The following CNTNAP5 variants were observed in gnomAD, a reference collection of about 807,000 sequenced individuals.
CNTNAP5 encodes contactin-associated protein-like 5.
In CNTNAP5, 72 loss-of-function variants were observed where a neutral mutation model predicts 150.2. The observed-to-expected ratio is 0.48, with a 90% CI of 0.40 to 0.58. The LOEUF (loss-of-function observed/expected upper bound fraction) is 0.58. Ranked by LOEUF, CNTNAP5 falls within the 20% of genes least tolerant of loss-of-function variation. The pLI is 0.00. For synonymous variants in CNTNAP5, 672 were observed against 619.8 expected (o/e 1.08, Z -1.25); for missense variants, 1,636 against 1,626.2 (o/e 1.01, Z -0.10).
At chr2:124,226,743 G>A (rs898068381) in intron 2 of CNTNAP5, among the ~76,000 whole-genome samples, 27 of 152,168 alleles carry the variant, frequency 1.8e-4, no homozygotes, top group African/African-American at 6.5e-4. Flanking sequence ...AGTGATAGAA[G>A]TTGAGAAGTC....
intron 3 of CNTNAP5, among the ~76,000 whole-genome samples, chr2:124,358,742 C>T (rs1222663620): frequency 6.6e-6 from 1 of 152,086 alleles, no homozygotes; most frequent in African/African-American, 2.4e-5. Context: ...CAATGTTCAT[C>T]AAGTATATTG....
intron 1 of CNTNAP5, among the ~76,000 whole-genome samples, chr2:124,168,796 T>C (rs1684864007): frequency 6.6e-6 from 1 of 152,236 alleles, no homozygotes; most frequent in African/African-American, 2.4e-5. Flanking sequence ...TTACTATTTA[T>C]TGAAATTTTT....
chr2:124,382,742 A>G (rs955342984), intron 3 of CNTNAP5, among the ~76,000 whole-genome samples: 1 of 151,870 alleles, frequency 6.6e-6, no homozygotes, highest in African/African-American at 2.4e-5. Context: ...CACTTAAAAT[A>G]TTTTCCTGCC....
chr2:124,746,777 G>C (rs1680611738), intron 13 of CNTNAP5, among the ~76,000 whole-genome samples: 1 of 152,012 alleles, frequency 6.6e-6, no homozygotes, highest in South Asian at 2.1e-4. Context: ...ATTATTTTTT[G>C]AAATTCATAT....
Position 124,816,922 on chromosome 2 carries a change from C to T in CNTNAP5, c.3217+18602C>T, listed in dbSNP as rs550243180. Among the ~76,000 whole-genome samples the T allele has an allele frequency of 2.0e-5, 3 of 152,242 alleles. No individual in the cohort carries two copies. The South Asian group carries it at 6.2e-4, about 32-fold the overall frequency. On this transcript the variant is annotated intron_variant, in intron 19 of 23. Transcript: ENST00000682447. ...GCGAATGATATCACATCATCGTTGC[C>T]ATATTCTATGTGTTTAAAGCAAGTC...
intron 4 of CNTNAP5, among the ~76,000 whole-genome samples, chr2:124,419,895 GTTTT>G (rs1419852292): frequency 1.0e-5 from 1 of 98,880 alleles, no homozygotes; most frequent in Non-Finnish European, 2.2e-5. Context: ...GACTGGATTG[GTTTT>G]CTTTCTTTCT....
intron 1 of CNTNAP5, among the ~76,000 whole-genome samples, chr2:124,162,985 C>CAA (rs35126288): frequency 6.6e-6 from 1 of 151,748 alleles, no homozygotes; most frequent in African/African-American, 2.4e-5. Flanking sequence ...TTGAAGTTGA[C>CAA]AAAAAAGGGG....
At chr2:124,059,529 C>T (rs1291029051) in intron 1 of CNTNAP5, among the ~76,000 whole-genome samples, 1 of 152,290 alleles carries the variant, frequency 6.6e-6, no homozygotes, top group East Asian at 1.9e-4. Context: ...TCATTCCTGA[C>T]CCTCAGATTT....
chr2:124,205,529 C>T (rs1185990400), intron 1 of CNTNAP5, among the ~76,000 whole-genome samples: 2 of 151,922 alleles, frequency 1.3e-5, no homozygotes, highest in Non-Finnish European at 2.9e-5. Context: ...AGCGATTCTC[C>T]TGCCTCAGCC....
chr2:124,282,760 TG>T (rs1473576963), intron 3 of CNTNAP5, among the ~76,000 whole-genome samples: 2 of 152,134 alleles, frequency 1.3e-5, no homozygotes, highest in Admixed American at 6.6e-5. Context: ...GTGAGAAAGC[TG>T]GGGCTCTGAA....
intron 3 of CNTNAP5, among the ~76,000 whole-genome samples, chr2:124,385,448 T>C (rs771937899): frequency 3.3e-5 from 5 of 152,154 alleles, no homozygotes; most frequent in Non-Finnish European, 7.4e-5. Flanking sequence ...CTCCCACTTA[T>C]CACAATTGTG....
At chr2:124,448,269 A>AAATAACAAT (rs1692875481) in intron 6 of CNTNAP5, among the ~76,000 whole-genome samples, 1 of 144,278 alleles carries the variant, frequency 6.9e-6, no homozygotes, top group Non-Finnish European at 1.5e-5. Context: ...CTCCGTCTTA[A>AAATAACAAT]AATAATAATA....
intron 6 of CNTNAP5, among the ~76,000 whole-genome samples, chr2:124,451,421 T>C (rs1692980046): frequency 1.3e-5 from 2 of 152,030 alleles, no homozygotes; most frequent in South Asian, 4.2e-4. Flanking sequence ...ATAAAAAATT[T>C]CGTCTATGTA....
intron 13 of CNTNAP5, among the ~76,000 whole-genome samples, chr2:124,684,023 G>T (rs1426951102): frequency 6.6e-6 from 1 of 152,138 alleles, no homozygotes; most frequent in Non-Finnish European, 1.5e-5. Context: ...GTTTCCAAAG[G>T]ATAAGGTTTA....
intron 1 of CNTNAP5, among the ~76,000 whole-genome samples, chr2:124,100,194 C>A (rs565810796): frequency 6.6e-6 from 1 of 152,024 alleles, no homozygotes. Flanking sequence ...GGCGGAGGGG[C>A]GACACATTTT....
At chr2:124,190,793 A>G (rs1366017779) in intron 1 of CNTNAP5, among the ~76,000 whole-genome samples, 1 of 152,166 alleles carries the variant, frequency 6.6e-6, no homozygotes, top group Non-Finnish European at 1.5e-5. Flanking sequence ...GTATATGCAC[A>G]TATGTTGTGT....
At chr2:124,088,688 G>A (rs1005508172) in intron 1 of CNTNAP5, among the ~76,000 whole-genome samples, 1 of 152,022 alleles carries the variant, frequency 6.6e-6, no homozygotes, top group Non-Finnish European at 1.5e-5. Context: ...TACCTGACTG[G>A]TGGGTTCCTC....
chr2:124,703,909 G>T (rs1679578309), intron 13 of CNTNAP5, among the ~76,000 whole-genome samples: 1 of 152,060 alleles, frequency 6.6e-6, no homozygotes, highest in African/African-American at 2.4e-5. Context: ...GACTAAATGG[G>T]GTTTAAAGAA....
At chr2:124,380,521 G>A (rs1287534225) in intron 3 of CNTNAP5, among the ~76,000 whole-genome samples, 1 of 152,172 alleles carries the variant, frequency 6.6e-6, no homozygotes, top group Non-Finnish European at 1.5e-5. Flanking sequence ...CATCAAATAA[G>A]CATATTCCTT....
Sources: allele counts gnomAD v4.1 joint callset (sites outside exome capture counted in the v4.1 genomes callset), GRCh38; gene constraint gnomAD v4.1.1; transcripts MANE v1.5; gene names NCBI Gene and HGNC (gene_info 2026-07-23, HGNC 2026-07-21).